The following EEA1 variants were observed in gnomAD, a reference collection of about 807,000 sequenced individuals.
EEA1 encodes early endosome antigen 1, also known as early endosome antigen 1, 162kD.
In EEA1, 111 loss-of-function variants were observed where a neutral mutation model predicts 209.2. The observed-to-expected ratio is 0.53, with a 90% CI of 0.45 to 0.62. The LOEUF (loss-of-function observed/expected upper bound fraction) is 0.62, where lower values mean the gene tolerates loss of function less well. Among genes scored for constraint, EEA1 ranks in the 20% least tolerant of loss-of-function variants. The probability of loss-of-function intolerance (pLI) is 0.00; values close to 1 mark genes in which losing one functional copy is unlikely to be tolerated. For missense variants in EEA1, 1,343 were observed against 1,530.8 expected (o/e 0.88, Z 2.05); for synonymous variants, 536 against 540.6 (o/e 0.99, Z 0.12).
intron 22 of EEA1, among the ~76,000 whole-genome samples, chr12:92,785,753 G>A (rs1874104490): frequency 6.6e-6 from 1 of 151,988 alleles, no homozygotes; most frequent in Non-Finnish European, 1.5e-5. Flanking sequence ...GGAAGCACTG[G>A]GCCTGCTCTC....
At chr12:92,878,761 GAAAGA>G (rs1242061495) in intron 2 of EEA1, among the ~76,000 whole-genome samples, 1 of 152,042 alleles carries the variant, frequency 6.6e-6, no homozygotes, top group African/African-American at 2.4e-5. Flanking sequence ...AATTAGGAAA[GAAAGA>G]AAAGGATAAA....
At chr12:92,903,372 C>T (rs1047494035) in intron 1 of EEA1, among the ~76,000 whole-genome samples, 3 of 151,604 alleles carry the variant, frequency 2.0e-5, no homozygotes, top group African/African-American at 7.3e-5. Context: ...CTGAGGCAGG[C>T]AGATCACCTG....
intron 3 of EEA1, among the ~76,000 whole-genome samples, chr12:92,864,165 T>C (rs1469789706): frequency 4.6e-5 from 7 of 152,192 alleles, no homozygotes; most frequent in East Asian, 3.8e-4. Flanking sequence ...AAAGTTTATA[T>C]GGTTATCATA....
chr12:92,777,473 T>TAAAA, intron 27 of EEA1, 70 bp downstream of exon 27: 1 of 1,491,186 alleles, frequency 6.7e-7, no homozygotes, highest in Non-Finnish European at 9.0e-7. Flanking sequence ...TTTTAAAAGG[T>TAAAA]AAAAATATGC....
At chr12:92,826,780 G>C (rs1165547109) in intron 12 of EEA1, among the ~76,000 whole-genome samples, 1 of 151,026 alleles carries the variant, frequency 6.6e-6, no homozygotes, top group African/African-American at 2.4e-5. Flanking sequence ...TTAATCTCAT[G>C]TTAAAGAAAG....
Position 92,816,297 on chromosome 12 carries a change from G to A in EEA1, c.1832C>T (p.Ala611Val), listed in dbSNP as rs554195842. The A allele has an allele frequency of 3.1e-6, 5 of 1,613,980 alleles. No individual in the cohort carries two copies. The highest frequency in any genetic ancestry group is 1.1e-5 in the South Asian group (1 of 91,080). Residue 611 changes from alanine to valine, a missense_variant, in exon 15 of 29, where the codon GCT (alanine) becomes GTT (valine). Transcript: ENST00000322349. The part of the protein sequence containing the change: ...QVQEQKAHLR[A>V]AQDRVLSLET... ...TAGGGAAAGGACACGGTCTTGTGCA[G>A]CTCTAAGATGTGCCTTCTGCTCTTG...
At position 92,772,519 on chromosome 12, in the gene EEA1, A is replaced by G. The variant is rs1312953336; in HGVS notation, c.*3492T>C. 6.6e-6 allele frequency: 1 copy of G among 152,000 alleles called. No individual in the cohort carries two copies. The highest frequency in any genetic ancestry group is 1.5e-5 in the Non-Finnish European group (1 of 67,830). The allele number at this position is 152,000 out of a possible 1,614,324, so 9.4% of individuals were successfully genotyped here. On this transcript the variant is annotated 3_prime_UTR_variant, in exon 29 of 29. Transcript: ENST00000322349. Reference sequence around the variant, plus strand: ...GTCACAGAATACAACTAGTTTAGAAAGAAATGTTTTTAATATAATATTTAA... The same window carrying G: ...GTCACAGAATACAACTAGTTTAGAAGGAAATGTTTTTAATATAATATTTAA...
chr12:92,852,552 CAT>C (rs770411202), intron 7 of EEA1, among the ~76,000 whole-genome samples: 56 of 152,146 alleles, frequency 3.7e-4, no homozygotes, highest in Non-Finnish European at 5.3e-4. Flanking sequence ...CCTAAAAGCA[CAT>C]GTTAAAAACA....
chr12:92,915,972 T>A (rs532693909), intron 1 of EEA1, among the ~76,000 whole-genome samples: 82 of 152,350 alleles, frequency 5.4e-4, no homozygotes, highest in African/African-American at 1.9e-3. Flanking sequence ...AGACTGAGAC[T>A]ATCAGAACTC....
At chr12:92,812,867 T>A in intron 16 of EEA1, 113 bp downstream of exon 16, 1 of 615,748 alleles carries the variant, frequency 1.6e-6, no homozygotes, top group Non-Finnish European at 2.6e-6. Flanking sequence ...TTAAGGGGGA[T>A]AAGCAAGTCT....
chr12:92,922,050 T>C (rs189937786), intron 1 of EEA1, among the ~76,000 whole-genome samples: 230 of 152,190 alleles, frequency 1.5e-3, no homozygotes, highest in Middle Eastern at 0.014. Flanking sequence ...CTGAAATAGG[T>C]ATGACCCAAT....
Position 92,842,485 on chromosome 12 carries a change from C to G in EEA1, c.895G>C (p.Glu299Gln), listed in dbSNP as rs1443315544. The G allele has an allele frequency of 1.9e-6, 3 of 1,591,566 alleles. No individual in the cohort carries two copies. The highest frequency in any genetic ancestry group is 2.6e-6 in the Non-Finnish European group (3 of 1,164,926). The part of the protein sequence containing the change: ...ELQKLKSSVN[E>Q]LTQKNQTLTE... ...CTCACCTGATTTTTTTGTGTTAATT[C>G]ATTAACTGAACTTTTCAGTTTTTGT... Residue 299 changes from glutamate to glutamine, a missense_variant, in exon 10 of 29, where the codon GAA becomes CAA. Transcript: ENST00000322349.
chr12:92,871,378 A>C (rs1247343058), intron 2 of EEA1, among the ~76,000 whole-genome samples: 5 of 152,170 alleles, frequency 3.3e-5, no homozygotes, highest in Admixed American at 2.0e-4. Context: ...ACCCAAAACC[A>C]AGCTGCTAAA....
At position 92,826,098 on chromosome 12, in the gene EEA1, TTC is replaced by T. The variant is rs1474146478; in HGVS notation, c.1524+66_1524+67del. 4 of 1,465,436 alleles carry T rather than the reference TTC, an allele frequency of 2.7e-6. No homozygotes were observed. In the Admixed American group the frequency reaches 6.2e-5, roughly 23 times the overall value. The allele number at this position is 1,465,436 out of a possible 1,614,324, so 90.8% of individuals were successfully genotyped here. On this transcript the variant is annotated intron_variant, in intron 13 of 28. Transcript: ENST00000322349. ...GATTTGGATTAATTAATTTTATTTTTTCTCTTATATTCTATGTAATGGTAATT... is the reference window on the plus strand; with the variant it reads ...GATTTGGATTAATTAATTTTATTTTTTCTTATATTCTATGTAATGGTAATT...
chr12:92,866,853 G>A (rs540313467), intron 2 of EEA1, among the ~76,000 whole-genome samples: 2 of 152,142 alleles, frequency 1.3e-5, no homozygotes, highest in South Asian at 4.1e-4. Context: ...CTAAAAATTT[G>A]GCTAAACTAC....
chr12:92,906,022 T>C (rs971102448), intron 1 of EEA1, among the ~76,000 whole-genome samples: 1 of 151,956 alleles, frequency 6.6e-6, no homozygotes, highest in African/African-American at 2.4e-5. Flanking sequence ...TCCTCCCGCC[T>C]CAGCCTACTG....
intron 17 of EEA1, 104 bp from the exon 18 acceptor site, chr12:92,809,260 C>CAA (rs60540376): frequency 0.22 from 146,500 of 680,338 alleles, 15,603 homozygotes; most frequent in Non-Finnish European, 0.24. Context: ...GTGTGACATA[C>CAA]AAAAAAAAAT....
chr12:92,828,668 A>C (rs534400114), intron 11 of EEA1, among the ~76,000 whole-genome samples: 200 of 151,466 alleles, frequency 1.3e-3, no homozygotes, highest in Non-Finnish European at 2.3e-3. Flanking sequence ...TACAAATGCC[A>C]CCCAATTAAA....
At chr12:92,838,554 A>T (rs946123168) in intron 10 of EEA1, among the ~76,000 whole-genome samples, 3 of 152,210 alleles carry the variant, frequency 2.0e-5, no homozygotes, top group Non-Finnish European at 2.9e-5. Flanking sequence ...GGAAAAGCAC[A>T]GCTATGAAAG....
Sources: gnomAD v4.1 joint callset for allele counts (sites outside exome capture counted in the v4.1 genomes callset) on GRCh38, gnomAD v4.1.1 for gene constraint, MANE v1.5 for transcripts, NCBI Gene and HGNC (gene_info 2026-07-23, HGNC 2026-07-21) for gene names.